The following SART3 variants were observed in gnomAD, a reference collection of about 807,000 sequenced individuals.
SART3 encodes HIV-1 Tat-interacting protein of 110kDa.
A neutral mutation model predicts 122.3 loss-of-function variants in SART3; 44 were observed. The ratio of observed to expected loss-of-function variants is 0.36; its 90% CI spans 0.28 to 0.46. The LOEUF (loss-of-function observed/expected upper bound fraction) is 0.46, where lower values mean the gene tolerates loss of function less well. Ranked by LOEUF, SART3 falls within the 20% of genes least tolerant of loss-of-function variation. SART3 has a pLI of 1.00. For synonymous variants in SART3, 442 were observed against 454.0 expected, an observed-to-expected ratio of 0.97 and a Z score of 0.34; for missense variants, 1,101 against 1,229.0, an observed-to-expected ratio of 0.90 and a Z score of 1.56.
At chr12:108,542,909 C>T (rs1312979889) in intron 6 of SART3, 119 bp downstream of exon 6, 1 of 1,335,094 alleles carries the variant, frequency 7.5e-7, no homozygotes, top group African/African-American at 1.5e-5. Flanking sequence ...TGTACGTATA[C>T]ATTTATACAC....
chr12:108,553,214 T>C (rs1373235892), intron 1 of SART3, among the ~76,000 whole-genome samples: 1 of 152,166 alleles, frequency 6.6e-6, no homozygotes, highest in Non-Finnish European at 1.5e-5. Flanking sequence ...AATGTAAATA[T>C]AACATCACAA....
At chr12:108,555,462 C>A (rs1178056646) in intron 1 of SART3, among the ~76,000 whole-genome samples, 1 of 152,132 alleles carries the variant, frequency 6.6e-6, no homozygotes, top group African/African-American at 2.4e-5. Flanking sequence ...TCCAGGAATT[C>A]AAGACCAGCC....
intron 1 of SART3, among the ~76,000 whole-genome samples, chr12:108,557,317 G>A (rs189503709): frequency 1.3e-4 from 19 of 149,950 alleles, no homozygotes; most frequent in African/African-American, 3.7e-4. Context: ...GGGTTCAGGC[G>A]ATTCTCCTGC....
In SART3 at chr12:108,524,320, C is replaced by G. The variant is rs746939931; in HGVS notation, c.2710G>C (p.Gly904Arg). ...GGPMLLPQTYGARGKGRTQLS... is the reference protein window; with the variant it reads ...GGPMLLPQTYRARGKGRTQLS... ...GTCTACCATGCAAGCACTTACGCTC[C>G]GTATGTCTGCGGCAAAAGCATGGGG... is the stretch of plus-strand genomic sequence containing the variant. The change falls in exon 18 of 19, where the codon GGA becomes CGA. Residue 904 changes from glycine (G) to arginine (R), a missense_variant. This residue lies in a region of SART3 where 885 missense variants were observed against 1,080.1 expected (regional missense o/e 0.82). Transcript: ENST00000546815. The G allele has an allele frequency of 5.6e-6, 9 of 1,613,506 alleles. No homozygotes were observed. The African/African-American group carries it at 1.2e-4, about 22-fold the overall frequency.
chr12:108,560,655 T>G, intron 1 of SART3, 188 bp downstream of exon 1: 7 of 546,606 alleles, frequency 1.3e-5, no homozygotes, highest in South Asian at 8.2e-5. Flanking sequence ...GAGGATTCAA[T>G]GAGATAACGT....
chr12:108,558,367 G>A (rs1286572569), intron 1 of SART3, among the ~76,000 whole-genome samples: 4 of 152,182 alleles, frequency 2.6e-5, no homozygotes, highest in African/African-American at 7.2e-5. Context: ...CTAGACCACA[G>A]GACAAAGAGG....
Position 108,526,570 on chromosome 12 carries a change from GAA to G in SART3, c.1916-19_1916-18del. On this transcript the variant is annotated intron_variant, in intron 15 of 18. Coordinates refer to ENST00000546815, the MANE Select transcript of SART3 (RefSeq NM_014706.4). ...AAGGCTGCTCTACAGGTTTTCAAAA[GAA>G]AAGTAGCCATGGTTAACTGTTACTT... 1 of 1,612,384 alleles carries G rather than the reference GAA, an allele frequency of 6.2e-7. No homozygotes were observed. Among genetic ancestry groups the G allele is most frequent in the Middle Eastern group, 1.7e-4 (1 of 5,946 alleles).
Position 108,530,191 on chromosome 12 carries a change from C to T in SART3, c.1866G>A (p.Lys622=), listed in dbSNP as rs772325582. The change falls in exon 15 of 19, where the codon AAG becomes AAA. Residue 622 remains lysine, a synonymous_variant. Coordinates refer to ENST00000546815, the MANE Select transcript of SART3 (RefSeq NM_014706.4). ...TCTCATCATCCTCATCTGCTCCGCG[C>T]TTCTCTGGGCCTCTGATCTTTTTCT... ...KKKKKIRGPE[K]RGADEDDEKE... 1.1e-5 allele frequency: 18 copies of T among 1,614,148 alleles called. No homozygotes were observed. Among genetic ancestry groups the T allele is most frequent in the Non-Finnish European group, 1.1e-5 (13 of 1,180,014 alleles).
At chr12:108,525,019 A>G (rs1872307763) in intron 17 of SART3, among the ~76,000 whole-genome samples, 1 of 152,228 alleles carries the variant, frequency 6.6e-6, no homozygotes, top group African/African-American at 2.4e-5. Flanking sequence ...AGGACTTAGC[A>G]GGAGACTGAG....
chr12:108,557,306 C>T (rs771243250), intron 1 of SART3, among the ~76,000 whole-genome samples: 13 of 150,068 alleles, frequency 8.7e-5, no homozygotes, highest in Admixed American at 1.3e-4. Context: ...CTCTGCCTCC[C>T]GGGTTCAGGC....
chr12:108,540,576 A>G (rs1361676410), intron 6 of SART3, among the ~76,000 whole-genome samples: 2 of 151,242 alleles, frequency 1.3e-5, no homozygotes, highest in African/African-American at 4.8e-5. Flanking sequence ...TTCCAATTAA[A>G]AAAAAAAAGA....
At chr12:108,549,412 A>T in intron 1 of SART3, 198 bp from the exon 2 acceptor site, 1 of 571,956 alleles carries the variant, frequency 1.7e-6, no homozygotes, top group Non-Finnish European at 3.1e-6. Flanking sequence ...ACAAACATAA[A>T]GCTCCCTCAA....
chr12:108,558,925 CG>C (rs899396170), intron 1 of SART3, among the ~76,000 whole-genome samples: 1 of 145,168 alleles, frequency 6.9e-6, no homozygotes, highest in South Asian at 2.3e-4. Context: ...CCCAGCTACT[CG>C]GGGGGCTGAG....
At chr12:108,525,659 A>G in intron 16 of SART3, 50 bp from the exon 17 acceptor site, 1 of 1,586,270 alleles carries the variant, frequency 6.3e-7, no homozygotes, top group Non-Finnish European at 8.7e-7. Flanking sequence ...GGCATGACCC[A>G]GCTCACCTGA....
chr12:108,532,051 G>C (rs1872703853), intron 13 of SART3, 171 bp downstream of exon 13: 2 of 633,868 alleles, frequency 3.2e-6, no homozygotes, highest in Non-Finnish European at 2.9e-6. Context: ...AATTTGAGAA[G>C]AGCTGCAGGA....
intron 11 of SART3, among the ~76,000 whole-genome samples, chr12:108,535,853 CTT>C (rs1312464424): frequency 6.6e-6 from 1 of 151,100 alleles, no homozygotes; most frequent in Non-Finnish European, 1.5e-5. Flanking sequence ...CAAACTGTGA[CTT>C]GGGCAAATTA....
intron 12 of SART3, among the ~76,000 whole-genome samples, chr12:108,533,388 CAAAA>C (rs34737993): frequency 7.7e-6 from 1 of 130,028 alleles, no homozygotes; most frequent in Non-Finnish European, 1.6e-5. Context: ...TGGTTATTGC[CAAAA>C]AAAAAAAAAA....
rs1015325603 is a variant in SART3 at position 108,542,964 on chromosome 12, C to T, written c.906+64G>A. On this transcript the variant is annotated intron_variant, in intron 6 of 18. Transcript: ENST00000546815. ...AACATTTTAAAGATACTGTTTAACT[C>T]GCAACTATCCATCAGGGAAAGGTTT... is the stretch of plus-strand genomic sequence containing the variant. 69 of 1,601,460 alleles carry T rather than the reference C, an allele frequency of 4.3e-5. 1 individual carries two copies. In the South Asian group the frequency reaches 4.9e-4, roughly 11 times the overall value.
rs572464941 is a variant in SART3, at chr12:108,536,566, T to C, written c.1394A>G (p.Asn465Ser). 81 of 1,614,172 alleles carry C rather than the reference T, an allele frequency of 5.0e-5. No homozygotes were observed. The highest frequency in any genetic ancestry group is 3.3e-4 in the East Asian group (15 of 44,888). ...CACGCAGCTTGGATCACCACTCTCATTGAAACCTTCAAAAACAGAATTAGT... is the reference window on the plus strand; with the variant it reads ...CACGCAGCTTGGATCACCACTCTCACTGAAACCTTCAAAAACAGAATTAGT... ...YLKQEVEERF[N>S]ESGDPSCVIM... The change falls in exon 11 of 19, where the codon AAT becomes AGT. Residue 465 changes from asparagine to serine, a missense_variant. Physicochemically the swap from Asn to Ser is conservative, Grantham distance 46 (BLOSUM62 1). Coordinates refer to ENST00000546815, the MANE Select transcript of SART3 (RefSeq NM_014706.4).
Sources: gnomAD v4.1 joint callset for allele counts (sites outside exome capture counted in the v4.1 genomes callset) on GRCh38, gnomAD v4.1.1 for gene constraint, gnomAD v4.1.1 regional missense constraint, MANE v1.5 for transcripts, NCBI Gene and HGNC (gene_info 2026-07-23, HGNC 2026-07-21) for gene names.